Variants in ZNF177 observed in about 807,000 individuals in gnomAD.
ZNF177 encodes the protein zinc finger protein 177.
In ZNF177, 17 loss-of-function variants were observed where a neutral mutation model predicts 19.4. That is an observed-to-expected ratio of 0.87 (90% confidence interval 0.60 to 1.31). ZNF177 has a LOEUF of 1.31. Among genes scored for constraint, ZNF177 ranks in the 40% most tolerant of loss-of-function variants. The pLI is 0.00. For missense variants in ZNF177, 633 were observed against 561.8 expected, an observed-to-expected ratio of 1.13 and a Z score of -1.28; for synonymous variants, 220 against 188.7, an observed-to-expected ratio of 1.17 and a Z score of -1.36.
chr19:9,378,652 G>T, intron 2 of ZNF177: 2 of 564,898 alleles, frequency 3.5e-6, no homozygotes, highest in South Asian at 2.4e-5. Flanking sequence ...CCTACAGTAT[G>T]CCCTGTCTAT....
At chr19:9,378,431 C>T (rs1241726795) in intron 2 of ZNF177, 87 bp downstream of exon 4, 13 of 1,578,454 alleles carry the variant, frequency 8.2e-6, no homozygotes, top group Non-Finnish European at 1.1e-5. Flanking sequence ...AGCTTCACAG[C>T]CCAATCTGAG....
At chr19:9,378,939 A>G in intron 2 of ZNF177, 23 bp from the exon 5 acceptor site, 3 of 1,575,586 alleles carry the variant, frequency 1.9e-6, no homozygotes, top group Non-Finnish European at 2.6e-6. Context: ...TGGCTGAGCC[A>G]GAATATGTAT....
At chr19:9,367,905 A>G (rs2122493939) in intron 2 of ZNF177, among the ~76,000 whole-genome samples, 1 of 152,344 alleles carries the variant, frequency 6.6e-6, no homozygotes, top group East Asian at 1.9e-4. Context: ...TCTTGCCTAT[A>G]GAGTGGATAA....
intron 2 of ZNF177, among the ~76,000 whole-genome samples, chr19:9,367,184 G>A (rs191811242): frequency 1.6e-3 from 244 of 152,218 alleles, no homozygotes; most frequent in African/African-American, 5.3e-3. Context: ...GCTGGGTGTG[G>A]TGGCACGCGT....
chr19:9,365,402 G>C (rs2067963999), intron 2 of ZNF177, among the ~76,000 whole-genome samples: 1 of 151,944 alleles, frequency 6.6e-6, no homozygotes. Flanking sequence ...GAGACACAGA[G>C]AGAAGGGACC....
At chr19:9,379,571 G>C in exon 4 of ZNF177, 1 of 1,613,958 alleles carries the variant, frequency 6.2e-7, no homozygotes, top group Non-Finnish European at 8.5e-7. Flanking sequence ...GGTGGATCAA[G>C]AACAGCTGAA....
chr19:9,381,262 C>A, exon 6 of ZNF177: 2 of 1,614,056 alleles, frequency 1.2e-6, no homozygotes, highest in Non-Finnish European at 1.7e-6. Flanking sequence ...TGGAGAGAAG[C>A]CTTATGAGTG....
intron 2 of ZNF177, among the ~76,000 whole-genome samples, chr19:9,366,528 A>C (rs2067982267): frequency 6.6e-6 from 1 of 152,124 alleles, no homozygotes; most frequent in Non-Finnish European, 1.5e-5. Context: ...AGTGCTGAGG[A>C]TTACAGGCAT....
intron 3 of ZNF177, 79 bp from the exon 6 acceptor site, chr19:9,379,448 G>T (rs962239828): frequency 1.3e-6 from 2 of 1,514,646 alleles, no homozygotes; most frequent in Non-Finnish European, 1.8e-6. Context: ...TTTAGTTAAA[G>T]CCAAAGTATG....
chr19:9,379,564 G>T (rs761630046), exon 4 of ZNF177: 1 of 1,613,794 alleles, frequency 6.2e-7, no homozygotes, highest in Admixed American at 1.7e-5. Flanking sequence ...TCTCCAAGGT[G>T]GATCAAGAAC....
chr19:9,374,776 T>A (rs1024188941), upstream of ZNF177, among the ~76,000 whole-genome samples: 1 of 152,196 alleles, frequency 6.6e-6, no homozygotes, highest in Non-Finnish European at 1.5e-5. Flanking sequence ...TAGGGTTTTC[T>A]AGATACAATA....
At chr19:9,382,319 T>G, downstream of ZNF177, 1 of 398,900 alleles carries the variant, frequency 2.5e-6, no homozygotes, top group East Asian at 3.6e-5. Context: ...CTCATGGAAA[T>G]GGGAATATCT....
intron 2 of ZNF177, among the ~76,000 whole-genome samples, chr19:9,366,634 C>T (rs915036554): frequency 6.6e-6 from 1 of 152,186 alleles, no homozygotes; most frequent in Non-Finnish European, 1.5e-5. Context: ...GGTAGATAGA[C>T]ATTTGGGTTG....
chr19:9,379,054 G>A lies in ZNF177; in HGVS notation c.126G>A (p.Val42=), dbSNP rs150348399. The change falls in exon 3 of 6, where the codon GTG becomes GTA. Residue 42 remains valine, a synonymous_variant. Coordinates refer to ENST00000589262, the Ensembl canonical transcript of ZNF177. The stretch of plus-strand genomic sequence containing the variant: ...CTCAAAAAAATCTATACAAAGATGT[G>A]ATGCTGGAGAACTTTAGGAACCTGG... 3.1e-6 allele frequency: 5 copies of A among 1,609,616 alleles called. No individual in the cohort carries two copies. In the East Asian group the frequency reaches 1.1e-4, roughly 36 times the overall value.
At chr19:9,377,663 G>C (rs1429686913) in intron 1 of ZNF177, among the ~76,000 whole-genome samples, 1 of 149,796 alleles carries the variant, frequency 6.7e-6, no homozygotes, top group African/African-American at 2.5e-5. Flanking sequence ...CAGAGTCCTA[G>C]CTCTGCTATA....
chr19:9,369,079 A>G (rs2068015473), intron 2 of ZNF177, among the ~76,000 whole-genome samples: 1 of 152,090 alleles, frequency 6.6e-6, no homozygotes, highest in Non-Finnish European at 1.5e-5. Flanking sequence ...TTCACCATAC[A>G]GTATGGTCAG....
At chr19:9,373,970 T>TA (rs531783264), upstream of ZNF177, among the ~76,000 whole-genome samples, 20 of 150,716 alleles carry the variant, frequency 1.3e-4, no homozygotes, top group South Asian at 4.2e-4. Flanking sequence ...GTCAACTCTT[T>TA]AAAAAAAAAA....
At chr19:9,370,743 T>G (rs950273039) in intron 2 of ZNF177, among the ~76,000 whole-genome samples, 2 of 152,138 alleles carry the variant, frequency 1.3e-5, no homozygotes, top group Non-Finnish European at 2.9e-5. Context: ...TGCTGTATTG[T>G]TTAAGGAATA....
downstream of ZNF177, chr19:9,382,198 A>G (rs1163359317): frequency 7.4e-6 from 3 of 405,316 alleles, no homozygotes; most frequent in Non-Finnish European, 4.3e-6. Flanking sequence ...CAAGCTGGCA[A>G]TGTGGACAGT....
Sources: gnomAD v4.1 joint callset for allele counts (sites outside exome capture counted in the v4.1 genomes callset) on GRCh38, gnomAD v4.1.1 for gene constraint, MANE v1.5 for transcripts, NCBI Gene and HGNC (gene_info 2026-07-23, HGNC 2026-07-21) for gene names.